Variants in LHFPL3 observed in about 807,000 individuals in gnomAD.
The protein encoded by LHFPL3 is LHFPL tetraspan subfamily member 3 protein.
In LHFPL3, 5 loss-of-function variants were observed where a neutral mutation model predicts 19.3. The ratio of observed to expected loss-of-function variants is 0.26; its 90% confidence interval spans 0.14 to 0.54. The LOEUF (loss-of-function observed/expected upper bound fraction) is 0.54, where lower values mean the gene tolerates loss of function less well. LHFPL3 is among the 20% of genes least tolerant of loss of function. The pLI, the probability that LHFPL3 is intolerant of heterozygous loss-of-function variation, is 0.94. For missense variants in LHFPL3, 249 were observed against 307.4 expected (o/e 0.81, Z 1.42); for synonymous variants, 133 against 126.2 (o/e 1.05, Z -0.36).
chr7:104,445,552 G>A (rs1792315219), intron 1 of LHFPL3, among the ~76,000 whole-genome samples: 1 of 152,176 alleles, frequency 6.6e-6, no homozygotes, highest in Non-Finnish European at 1.5e-5. Context: ...TCACAGACTT[G>A]AGAAATGGTG....
At chr7:104,558,646 G>C (rs935724468) in intron 1 of LHFPL3, among the ~76,000 whole-genome samples, 3 of 150,758 alleles carry the variant, frequency 2.0e-5, no homozygotes, top group African/African-American at 7.4e-5. Context: ...TCACTCTGAT[G>C]GTAGTTTCTT....
At chr7:104,453,034 G>C (rs143146341) in intron 1 of LHFPL3, among the ~76,000 whole-genome samples, 59 of 152,202 alleles carry the variant, frequency 3.9e-4, no homozygotes, top group African/African-American at 1.3e-3. Flanking sequence ...GAACAGCCCT[G>C]TGTCTGTCAT....
chr7:104,478,860 G>C (rs1373699289), intron 1 of LHFPL3, among the ~76,000 whole-genome samples: 3 of 152,202 alleles, frequency 2.0e-5, no homozygotes, highest in Admixed American at 2.0e-4. Context: ...AGTGAGCACT[G>C]ACTGAGTATT....
chr7:104,655,663 G>A (rs887621644), intron 1 of LHFPL3, among the ~76,000 whole-genome samples: 1 of 152,204 alleles, frequency 6.6e-6, no homozygotes, highest in Non-Finnish European at 1.5e-5. Context: ...GCTGATACAG[G>A]CTACTTTGGC....
intron 1 of LHFPL3, among the ~76,000 whole-genome samples, chr7:104,654,340 T>C (rs1214503184): frequency 6.6e-6 from 1 of 152,210 alleles, no homozygotes; most frequent in African/African-American, 2.4e-5. Flanking sequence ...TATTCAGACA[T>C]ATTTCCGTGA....
chr7:104,403,756 TCTC>T (rs1791363206), intron 1 of LHFPL3, among the ~76,000 whole-genome samples: 2 of 135,074 alleles, frequency 1.5e-5, no homozygotes, highest in Non-Finnish European at 3.3e-5. Flanking sequence ...TCTCTCTCTC[TCTC>T]ATCATTAGGA....
intron 2 of LHFPL3, among the ~76,000 whole-genome samples, chr7:104,790,910 A>G (rs1790011933): frequency 1.3e-5 from 2 of 152,246 alleles, no homozygotes; most frequent in Non-Finnish European, 1.5e-5. Flanking sequence ...ATGAAATACT[A>G]TTCAAATGTA....
chr7:104,561,331 GTCAC>G (rs1197956185), intron 1 of LHFPL3, among the ~76,000 whole-genome samples: 2 of 149,562 alleles, frequency 1.3e-5, no homozygotes, highest in Non-Finnish European at 2.9e-5. Context: ...CTCTTTGTAG[GTCAC>G]TCAGGACTTG....
chr7:104,772,932 C>G (rs1302584424), intron 2 of LHFPL3, among the ~76,000 whole-genome samples: 1 of 152,246 alleles, frequency 6.6e-6, no homozygotes, highest in Non-Finnish European at 1.5e-5. Context: ...GCGCTGTCAA[C>G]AAGAATGTCA....
At chr7:104,410,832 T>C (rs543550106) in intron 1 of LHFPL3, among the ~76,000 whole-genome samples, 112 of 152,294 alleles carry the variant, frequency 7.4e-4, no homozygotes, top group African/African-American at 2.6e-3. Flanking sequence ...AACATGTAAA[T>C]TAAAACTTTT....
At chr7:104,863,421 T>C (rs181065968) in intron 2 of LHFPL3, among the ~76,000 whole-genome samples, 14 of 152,210 alleles carry the variant, frequency 9.2e-5, no homozygotes, top group African/African-American at 3.1e-4. Context: ...TGGGTTTTTT[T>C]CCCATGTCAT....
rs147417275 is a variant in LHFPL3, at chr7:104,691,667, A to C, written c.446-45008A>C. Among the ~76,000 whole-genome samples the C allele has an allele frequency of 2.2e-3, 337 of 152,368 alleles. 2 individuals carry two copies. Among genetic ancestry groups the C allele is most frequent in the African/African-American group, 7.7e-3 (319 of 41,586 alleles). ...AAGAAGCACAATTGGAAAATTGTTG[A>C]CAAAGAAATTTATGGAAGAGGTAAT... On this transcript the variant is annotated intron_variant, in intron 1 of 2. Transcript: ENST00000424859.
intron 1 of LHFPL3, among the ~76,000 whole-genome samples, chr7:104,617,184 A>G (rs535890437): frequency 3.9e-5 from 6 of 152,326 alleles, no homozygotes; most frequent in African/African-American, 1.4e-4. Context: ...TCATTCTACT[A>G]TAAAGACTCA....
intron 1 of LHFPL3, among the ~76,000 whole-genome samples, chr7:104,731,175 G>A (rs760373021): frequency 2.0e-5 from 3 of 152,154 alleles, no homozygotes; most frequent in Non-Finnish European, 4.4e-5. Flanking sequence ...AAGTCAGGTA[G>A]CGTGATGCCT....
chr7:104,653,628 G>C (rs1270901567), intron 1 of LHFPL3, among the ~76,000 whole-genome samples: 3 of 152,222 alleles, frequency 2.0e-5, no homozygotes, highest in Admixed American at 6.5e-5. Flanking sequence ...GGTGGATTGA[G>C]CAGCTACCAC....
intron 1 of LHFPL3, among the ~76,000 whole-genome samples, chr7:104,491,447 C>G (rs1793349787): frequency 6.7e-6 from 1 of 149,846 alleles, no homozygotes; most frequent in South Asian, 2.1e-4. Context: ...TCACCCTTGG[C>G]AAATAGCAAG....
chr7:104,333,143 T>C (rs1185271034), intron 1 of LHFPL3, among the ~76,000 whole-genome samples: 1 of 152,250 alleles, frequency 6.6e-6, no homozygotes, highest in Non-Finnish European at 1.5e-5. Context: ...AGTTGGTTTC[T>C]GAGTCTACTA....
At chr7:104,785,490 CA>C (rs1240732724) in intron 2 of LHFPL3, 5 of 152,392 alleles carry the variant, frequency 3.3e-5, no homozygotes, top group African/African-American at 1.2e-4. Flanking sequence ...TGAACACCTC[CA>C]GCTGACTGTC....
intron 1 of LHFPL3, among the ~76,000 whole-genome samples, chr7:104,624,105 A>C (rs1482833605): frequency 6.6e-6 from 1 of 152,360 alleles, no homozygotes; most frequent in East Asian, 1.9e-4. Context: ...TAAGCATTGA[A>C]TATTTTGGAT....
Sources: allele counts gnomAD v4.1 joint callset (sites outside exome capture counted in the v4.1 genomes callset), GRCh38; gene constraint gnomAD v4.1.1; transcripts MANE v1.5; gene names NCBI Gene and HGNC (gene_info 2026-07-23, HGNC 2026-07-21).